The following SLC35F1 variants were observed in gnomAD, a reference collection of about 807,000 sequenced individuals.
SLC35F1 encodes the protein chromosome 6 open reading frame 169.
Under a neutral mutation model 48.7 loss-of-function variants are expected in SLC35F1, and 14 were observed. That is an observed-to-expected ratio of 0.29 (90% CI 0.19 to 0.45). SLC35F1 has a LOEUF of 0.45. SLC35F1 is among the 20% of genes least tolerant of loss of function. The pLI, the probability that SLC35F1 is intolerant of heterozygous loss-of-function variation, is 1.00. For missense variants in SLC35F1, 404 were observed against 500.0 expected (o/e 0.81, Z 1.83); for synonymous variants, 190 against 202.2 (o/e 0.94, Z 0.51).
In SLC35F1 at chr6:118,286,031, C is replaced by T. The variant is rs139015502; in HGVS notation, c.1002+693C>T. ...AGGTCAGATCCTACTCCTCTTAACA[C>T]CACACTCACTGCTGCCAATAACAAT... On this transcript the variant is annotated intron_variant, in intron 7 of 7. Coordinates refer to ENST00000360388, the MANE Select transcript of SLC35F1 (RefSeq NM_001029858.4). 5.0e-3 allele frequency among the ~76,000 whole-genome samples: 761 copies of T among 152,236 alleles called. 7 individuals are homozygous for T. The highest frequency in any genetic ancestry group is 0.017 in the African/African-American group (724 of 41,530).
At chr6:118,297,080 A>G (rs1776195710) in intron 7 of SLC35F1, among the ~76,000 whole-genome samples, 1 of 152,198 alleles carries the variant, frequency 6.6e-6, no homozygotes, top group Non-Finnish European at 1.5e-5. Flanking sequence ...ACTTTTTTTC[A>G]ACTCTATATT....
chr6:117,956,242 A>G (rs1000563061), intron 1 of SLC35F1, among the ~76,000 whole-genome samples: 11 of 152,192 alleles, frequency 7.2e-5, no homozygotes, highest in Non-Finnish European at 2.9e-5. Context: ...GGGGCAGGGT[A>G]TCTTCCTACC....
chr6:118,246,878 C>T (rs991621183), intron 3 of SLC35F1, among the ~76,000 whole-genome samples: 2 of 152,182 alleles, frequency 1.3e-5, no homozygotes, highest in African/African-American at 4.8e-5. Context: ...TGGTGAAATT[C>T]CTCAGTCCTT....
At chr6:117,937,615 C>T (rs1274328656) in intron 1 of SLC35F1, among the ~76,000 whole-genome samples, 2 of 152,114 alleles carry the variant, frequency 1.3e-5, no homozygotes, top group East Asian at 1.9e-4. Flanking sequence ...CTCAGAAGAG[C>T]TAAAAAATTC....
At chr6:118,109,481 C>G (rs1773369057) in intron 1 of SLC35F1, among the ~76,000 whole-genome samples, 1 of 152,242 alleles carries the variant, frequency 6.6e-6, no homozygotes, top group South Asian at 2.1e-4. Context: ...TGATAACTAT[C>G]TAGAAAAAAG....
At chr6:118,210,821 G>A (rs910073821) in intron 2 of SLC35F1, among the ~76,000 whole-genome samples, 9 of 152,170 alleles carry the variant, frequency 5.9e-5, no homozygotes, top group Non-Finnish European at 1.0e-4. Context: ...TCAGCGTGGA[G>A]CCATAGTCCA....
rs1286828380 is a variant in SLC35F1, at chr6:117,907,821, A to G, written c.95A>G (p.Glu32Gly). ...ACCACCATCGAGAACCTGCCGGCCG[A>G]GGGCAGCGGCGGCGGCGGGAGCCTG... ...VVTTIENLPA[E>G]GSGGGGSLSA... The change falls in exon 1 of 8, where the codon GAG (glutamate) becomes GGG (glycine). Residue 32 changes from glutamate to glycine, a missense_variant. Coordinates refer to ENST00000360388, the MANE Select transcript of SLC35F1 (RefSeq NM_001029858.4). 7.1e-6 allele frequency: 11 copies of G among 1,542,112 alleles called. No homozygotes were observed. The highest frequency in any genetic ancestry group is 9.5e-6 in the Non-Finnish European group (11 of 1,155,112).
chr6:118,003,796 A>C (rs1322821392), intron 1 of SLC35F1, among the ~76,000 whole-genome samples: 1 of 152,208 alleles, frequency 6.6e-6, no homozygotes, highest in East Asian at 1.9e-4. Context: ...TTCAGATCTC[A>C]CAGAACATGG....
chr6:117,959,507 A>G (rs758920198), intron 1 of SLC35F1, among the ~76,000 whole-genome samples: 2 of 152,210 alleles, frequency 1.3e-5, no homozygotes, highest in Non-Finnish European at 2.9e-5. Context: ...AGCGTGTCAT[A>G]TCTGAGGGAA....
At chr6:118,308,212 C>G (rs1476149190) in intron 7 of SLC35F1, among the ~76,000 whole-genome samples, 2 of 152,168 alleles carry the variant, frequency 1.3e-5, no homozygotes, top group African/African-American at 4.8e-5. Context: ...CCAATTTAAA[C>G]AGAATTGGGC....
chr6:118,134,984 G>T (rs1306900111), intron 1 of SLC35F1, among the ~76,000 whole-genome samples: 1 of 152,156 alleles, frequency 6.6e-6, no homozygotes, highest in Non-Finnish European at 1.5e-5. Context: ...CTTAACAGGG[G>T]TTATACAAAG....
At chr6:117,930,156 G>A (rs1417170394) in intron 1 of SLC35F1, among the ~76,000 whole-genome samples, 2 of 152,172 alleles carry the variant, frequency 1.3e-5, no homozygotes, top group African/African-American at 4.8e-5. Flanking sequence ...CCCTTTGACA[G>A]AAAGTTGACT....
At chr6:118,138,683 A>G (rs972565998) in intron 1 of SLC35F1, among the ~76,000 whole-genome samples, 1 of 144,888 alleles carries the variant, frequency 6.9e-6, no homozygotes, top group African/African-American at 2.6e-5. Context: ...ATCATTTTAC[A>G]TGGTGCACCT....
At chr6:118,294,217 T>C (rs1776156898) in intron 7 of SLC35F1, among the ~76,000 whole-genome samples, 1 of 152,228 alleles carries the variant, frequency 6.6e-6, no homozygotes, top group African/African-American at 2.4e-5. Flanking sequence ...CTCTCCAACT[T>C]TTTTCCTGTT....
intron 3 of SLC35F1, among the ~76,000 whole-genome samples, chr6:118,245,240 G>A (rs1363358604): frequency 6.6e-6 from 1 of 152,088 alleles, no homozygotes; most frequent in African/African-American, 2.4e-5. Context: ...GTAGGTGGAG[G>A]GAAAAGACTG....
At chr6:118,018,782 T>C (rs1777355801) in intron 1 of SLC35F1, among the ~76,000 whole-genome samples, 1 of 152,170 alleles carries the variant, frequency 6.6e-6, no homozygotes, top group Admixed American at 6.5e-5. Flanking sequence ...GTTGCAGTGG[T>C]ATGCAGTCCA....
chr6:118,301,266 A>G (rs1265656164), intron 7 of SLC35F1, among the ~76,000 whole-genome samples: 1 of 152,168 alleles, frequency 6.6e-6, no homozygotes, highest in Admixed American at 6.6e-5. Context: ...TTATCTAGAA[A>G]TTTTCATGTT....
chr6:118,200,341 C>T (rs1415291288), intron 2 of SLC35F1, among the ~76,000 whole-genome samples: 1 of 152,000 alleles, frequency 6.6e-6, no homozygotes, highest in African/African-American at 2.4e-5. Flanking sequence ...GGATTTACAG[C>T]CAAAGAACAG....
intron 1 of SLC35F1, among the ~76,000 whole-genome samples, chr6:118,086,863 T>C (rs1772998534): frequency 6.6e-6 from 1 of 152,198 alleles, no homozygotes; most frequent in Non-Finnish European, 1.5e-5. Flanking sequence ...GGAACCTCCT[T>C]CCTTTCTTCC....
Sources: allele counts gnomAD v4.1 joint callset (sites outside exome capture counted in the v4.1 genomes callset), GRCh38; gene constraint gnomAD v4.1.1; transcripts MANE v1.5; gene names NCBI Gene and HGNC (gene_info 2026-07-23, HGNC 2026-07-21).